Variants in BAALC observed in about 807,000 individuals in gnomAD.
BAALC encodes BAALC binder of MAP3K1 and KLF4.
Under a neutral mutation model 15.5 loss-of-function variants are expected in BAALC, and 9 were observed. The ratio of observed to expected loss-of-function variants is 0.58; its 90% confidence interval spans 0.35 to 1.02. BAALC has a LOEUF of 1.02. Among genes scored for constraint, BAALC ranks in the 50% least tolerant of loss-of-function variants. BAALC has a pLI of 0.02. For missense variants in BAALC, 201 were observed against 192.4 expected (o/e 1.04, Z -0.27); for synonymous variants, 80 against 74.6 (o/e 1.07, Z -0.37).
intron 1 of BAALC, among the ~76,000 whole-genome samples, chr8:103,141,793 T>C (rs1810784627): frequency 6.6e-6 from 1 of 152,250 alleles, no homozygotes; most frequent in Non-Finnish European, 1.5e-5. Context: ...TAAATACTCT[T>C]GCCTAGGTCA....
chr8:103,167,208 G>A (rs1563640610), intron 1 of BAALC, among the ~76,000 whole-genome samples: 1 of 152,166 alleles, frequency 6.6e-6, no homozygotes, highest in Non-Finnish European at 1.5e-5. Flanking sequence ...ACAGGGCAGT[G>A]GCCTTACCCT....
intron 1 of BAALC, among the ~76,000 whole-genome samples, chr8:103,205,623 G>A (rs1266442129): frequency 6.6e-6 from 1 of 152,102 alleles, no homozygotes; most frequent in Non-Finnish European, 1.5e-5. Flanking sequence ...AGAATCCCTG[G>A]GGGTGGGATA....
At chr8:103,181,599 G>A (rs1438019667) in intron 1 of BAALC, among the ~76,000 whole-genome samples, 2 of 152,056 alleles carry the variant, frequency 1.3e-5, no homozygotes, top group Admixed American at 6.6e-5. Flanking sequence ...ACCCCATGCC[G>A]CTAATAAAAT....
chr8:103,170,099 T>C (rs1811444025), intron 1 of BAALC, among the ~76,000 whole-genome samples: 1 of 152,210 alleles, frequency 6.6e-6, no homozygotes, highest in Non-Finnish European at 1.5e-5. Context: ...GTACATTTTC[T>C]CTCTCCTCTT....
chr8:103,183,601 TGGAC>T (rs1811773402), intron 1 of BAALC, among the ~76,000 whole-genome samples: 3 of 152,132 alleles, frequency 2.0e-5, no homozygotes, highest in African/African-American at 7.2e-5. Context: ...CGGCAGTGGG[TGGAC>T]ACTCAGGCTT....
rs1053340500 is a variant in BAALC at position 103,163,606 on chromosome 8, C to T, written c.160+22549C>T. On this transcript the variant is annotated intron_variant, in intron 1 of 2. Transcript: ENST00000309982. The stretch of plus-strand genomic sequence containing the variant: ...CTAATCAGGCACCAACTTCTACAGT[C>T]TGTCTCTGAAATGAATGGTTGCAGT... 5.3e-5 allele frequency among the ~76,000 whole-genome samples: 8 copies of T among 152,190 alleles called. No individual in the cohort carries two copies. In the East Asian group the frequency reaches 1.5e-3, roughly 29 times the overall value.
At chr8:103,190,527 A>T (rs1038459114) in intron 1 of BAALC, among the ~76,000 whole-genome samples, 6 of 152,154 alleles carry the variant, frequency 3.9e-5, no homozygotes, top group Non-Finnish European at 7.3e-5. Context: ...TTTCTTGACT[A>T]TTTAGCAATT....
chr8:103,177,510 T>C (rs1401201956), intron 1 of BAALC, among the ~76,000 whole-genome samples: 2 of 152,190 alleles, frequency 1.3e-5, no homozygotes, highest in Admixed American at 6.5e-5. Flanking sequence ...GATAGCCACC[T>C]ATCCCATGCA....
chr8:103,163,253 C>T (rs75219012), intron 1 of BAALC, among the ~76,000 whole-genome samples: 12 of 152,122 alleles, frequency 7.9e-5, no homozygotes, highest in African/African-American at 1.9e-4. Context: ...GCTCTACCCA[C>T]GTCTCTTCAC....
At chr8:103,213,133 G>T (rs1812489025) in intron 2 of BAALC, 48 bp downstream of exon 2, 1 of 1,595,296 alleles carries the variant, frequency 6.3e-7, no homozygotes, top group African/African-American at 1.3e-5. Flanking sequence ...AATGGGGGTA[G>T]GGCTTGCTTC....
chr8:103,173,279 A>G (rs1390114589), intron 1 of BAALC, among the ~76,000 whole-genome samples: 1 of 152,204 alleles, frequency 6.6e-6, no homozygotes, highest in African/African-American at 2.4e-5. Context: ...TGCACGGGTG[A>G]TGATTCAATT....
rs201408435 is a variant in BAALC, at chr8:103,197,334, T to TA, written c.161-15575dup. On this transcript the variant is annotated intron_variant, in intron 1 of 2. Coordinates refer to ENST00000309982, the MANE Select transcript of BAALC (RefSeq NM_024812.3). ...TGCCTGACCCTGAGTTTCCTCTTCT[T>TA]AAAAAAAAAAGAGGTGGCAGGGAGT... 2.5e-3 allele frequency among the ~76,000 whole-genome samples: 373 copies of TA among 148,620 alleles called. 2 individuals are homozygous for TA. The highest frequency in any genetic ancestry group is 8.4e-3 in the African/African-American group (342 of 40,624).
intron 1 of BAALC, among the ~76,000 whole-genome samples, chr8:103,181,390 G>A (rs1811724896): frequency 1.3e-5 from 2 of 151,490 alleles, no homozygotes; most frequent in African/African-American, 4.8e-5. Flanking sequence ...CTCCTGCCTC[G>A]CCTCCTGAGT....
intron 1 of BAALC, among the ~76,000 whole-genome samples, chr8:103,196,904 T>C (rs1812110862): frequency 6.6e-6 from 1 of 152,140 alleles, no homozygotes; most frequent in Non-Finnish European, 1.5e-5. Context: ...AGGGTTGAGC[T>C]CCTGGCAGGA....
At chr8:103,201,717 A>G (rs1225161599) in intron 1 of BAALC, among the ~76,000 whole-genome samples, 1 of 152,204 alleles carries the variant, frequency 6.6e-6, no homozygotes, top group Non-Finnish European at 1.5e-5. Context: ...TGGTTGGAAA[A>G]AGGATTTAGC....
chr8:103,199,271 T>C (rs1812161446), intron 1 of BAALC, among the ~76,000 whole-genome samples: 1 of 152,240 alleles, frequency 6.6e-6, no homozygotes, highest in Non-Finnish European at 1.5e-5. Flanking sequence ...CCACCAGCAG[T>C]ATATGAGAGA....
chr8:103,141,994 C>T (rs1810788906), intron 1 of BAALC, among the ~76,000 whole-genome samples: 1 of 152,194 alleles, frequency 6.6e-6, no homozygotes, highest in South Asian at 2.1e-4. Context: ...AGGAAAAAAT[C>T]TCACTACTTA....
intron 1 of BAALC, among the ~76,000 whole-genome samples, chr8:103,212,228 C>G (rs562973155): frequency 6.6e-6 from 1 of 152,170 alleles, no homozygotes; most frequent in South Asian, 2.1e-4. Flanking sequence ...GAGGATTGCT[C>G]AAGGCCAGGA....
chr8:103,226,973 C>T (rs1812819033), intron 2 of BAALC, among the ~76,000 whole-genome samples: 1 of 152,200 alleles, frequency 6.6e-6, no homozygotes, highest in Non-Finnish European at 1.5e-5. Flanking sequence ...AGCTCAAACA[C>T]TTAACCACTC....
Sources: gnomAD v4.1 joint callset for allele counts (sites outside exome capture counted in the v4.1 genomes callset) on GRCh38, gnomAD v4.1.1 for gene constraint, MANE v1.5 for transcripts, NCBI Gene and HGNC (gene_info 2026-07-23, HGNC 2026-07-21) for gene names.